The following IL1RAPL2 variants were observed in gnomAD, a reference collection of about 807,000 sequenced individuals.
IL1RAPL2 encodes the protein X-linked interleukin-1 receptor accessory protein-like 2.
Under a neutral mutation model 44.1 loss-of-function variants are expected in IL1RAPL2, and 3 were observed. The ratio of observed to expected loss-of-function variants is 0.07; its 90% confidence interval spans 0.03 to 0.18. IL1RAPL2 has a LOEUF of 0.18. IL1RAPL2 is among the 10% of genes least tolerant of loss of function. The probability of loss-of-function intolerance (pLI) is 1.00; values close to 1 mark genes in which losing one functional copy is unlikely to be tolerated. For synonymous variants in IL1RAPL2, 181 were observed against 178.8 expected, an observed-to-expected ratio of 1.01 and a Z score of -0.10; for missense variants, 391 against 496.4, an observed-to-expected ratio of 0.79 and a Z score of 2.02.
chrX:105,676,161 G>A (rs993266938), intron 6 of IL1RAPL2: 2 of 111,419 alleles, frequency 1.8e-5, no homozygotes, highest in Admixed American at 1.9e-4. Context: ...TATTATATGT[G>A]CTATCAAAGT....
chrX:105,254,512 A>G (rs2034299100), intron 4 of IL1RAPL2, among the ~76,000 whole-genome samples: 1 of 111,744 alleles, frequency 8.9e-6, no homozygotes, highest in Non-Finnish European at 1.9e-5. Context: ...TTGCCTGTTT[A>G]TATTGTTGAA....
intron 5 of IL1RAPL2, among the ~76,000 whole-genome samples, chrX:105,453,735 A>C (rs1312233665): frequency 1.8e-5 from 2 of 112,005 alleles, no homozygotes; most frequent in African/African-American, 6.5e-5. Flanking sequence ...ATTTTCTTTC[A>C]TGCTGCTGTT....
intron 1 of IL1RAPL2, among the ~76,000 whole-genome samples, chrX:104,582,076 T>C (rs1479115882): frequency 1.8e-5 from 2 of 111,909 alleles, no homozygotes; most frequent in East Asian, 5.6e-4. Context: ...TAATGCAAAG[T>C]ATAACACTTT....
chrX:104,855,883 T>C (rs1247580222), intron 2 of IL1RAPL2, among the ~76,000 whole-genome samples: 1 of 108,684 alleles, frequency 9.2e-6, no homozygotes, highest in Non-Finnish European at 1.9e-5. Context: ...TTGCCCATGC[T>C]GATCTCAAAC....
chrX:105,245,616 T>C (rs1342334163), intron 4 of IL1RAPL2, among the ~76,000 whole-genome samples: 1 of 112,651 alleles, frequency 8.9e-6, no homozygotes. Context: ...TTTAAAACGT[T>C]TTACAAATGA....
intron 5 of IL1RAPL2, among the ~76,000 whole-genome samples, chrX:105,392,616 G>A (rs2035534413): frequency 8.9e-6 from 1 of 111,823 alleles, no homozygotes; most frequent in African/African-American, 3.3e-5. Context: ...TAAGGTGCAA[G>A]TGGCATATTT....
intron 5 of IL1RAPL2, among the ~76,000 whole-genome samples, chrX:105,291,198 A>G (rs1473200009): frequency 8.9e-6 from 1 of 112,384 alleles, no homozygotes. Context: ...TAAAACAGAA[A>G]TGAAAATATT....
intron 6 of IL1RAPL2, among the ~76,000 whole-genome samples, chrX:105,563,085 G>A (rs187876560): frequency 3.6e-5 from 4 of 111,793 alleles, no homozygotes; most frequent in Non-Finnish European, 1.9e-5. Context: ...TAGGGTAGTC[G>A]TGGGAGATCT....
At chrX:105,308,778 T>C (rs1421853622) in intron 5 of IL1RAPL2, among the ~76,000 whole-genome samples, 2 of 112,094 alleles carry the variant, frequency 1.8e-5, no homozygotes, top group East Asian at 5.6e-4. Context: ...TATGAAAATA[T>C]ATTTTCCTTT....
intron 2 of IL1RAPL2, among the ~76,000 whole-genome samples, chrX:104,748,981 G>A (rs186231469): frequency 9.1e-6 from 1 of 109,640 alleles, no homozygotes; most frequent in Admixed American, 9.8e-5. Context: ...AGAAGGAGAA[G>A]GCAAATTGAG....
chrX:105,695,930 A>G (rs2147534705), intron 6 of IL1RAPL2, among the ~76,000 whole-genome samples: 1 of 112,060 alleles, frequency 8.9e-6, no homozygotes, highest in South Asian at 3.7e-4. Context: ...GTCTGCATAC[A>G]ATATTCTCTA....
intron 2 of IL1RAPL2, among the ~76,000 whole-genome samples, chrX:105,028,756 G>A (rs1218891527): frequency 9.1e-6 from 1 of 110,150 alleles, no homozygotes; most frequent in Non-Finnish European, 1.9e-5. Context: ...AAATATAAGG[G>A]CATATCAAAG....
intron 5 of IL1RAPL2, among the ~76,000 whole-genome samples, chrX:105,475,445 T>C (rs1320935842): frequency 9.0e-6 from 1 of 111,217 alleles, no homozygotes; most frequent in Non-Finnish European, 1.9e-5. Flanking sequence ...TTAAGCAAGG[T>C]AAAAATTCAC....
chrX:104,735,976 A>G (rs1046802597), intron 2 of IL1RAPL2, among the ~76,000 whole-genome samples: 1 of 110,879 alleles, frequency 9.0e-6, no homozygotes, highest in African/African-American at 3.3e-5. Flanking sequence ...TCTCATACCA[A>G]TGTTTCCCAT....
At chrX:105,725,161 C>A (rs1324008117) in intron 7 of IL1RAPL2, among the ~76,000 whole-genome samples, 1 of 111,615 alleles carries the variant, frequency 9.0e-6, no homozygotes, top group African/African-American at 3.3e-5. Flanking sequence ...AAGACAATTG[C>A]TTTGTCCCAA....
At chrX:105,448,893 T>A (rs2035997040) in intron 5 of IL1RAPL2, among the ~76,000 whole-genome samples, 1 of 111,357 alleles carries the variant, frequency 9.0e-6, no homozygotes, top group South Asian at 3.7e-4. Flanking sequence ...TGCTTCATTT[T>A]AAAAAATTAT....
chrX:104,844,063 CTT>C (rs1239998821), intron 2 of IL1RAPL2, among the ~76,000 whole-genome samples: 5 of 108,639 alleles, frequency 4.6e-5, no homozygotes, highest in Non-Finnish European at 9.5e-5. Context: ...ATGATCTAGT[CTT>C]TACAAAGTTT....
chrX:105,122,650 T>A (rs1229823357), intron 2 of IL1RAPL2, among the ~76,000 whole-genome samples: 1 of 111,861 alleles, frequency 8.9e-6, no homozygotes, highest in Non-Finnish European at 1.9e-5. Context: ...GGTATCTTAT[T>A]TATAAATAAA....
chrX:104,761,637 C>T (rs1176984966), intron 2 of IL1RAPL2, among the ~76,000 whole-genome samples: 3 of 111,798 alleles, frequency 2.7e-5, no homozygotes, highest in Non-Finnish European at 5.6e-5. Context: ...AAGTCCCTTC[C>T]ACCTATGAGC....
Sources: gnomAD v4.1 joint callset for allele counts (sites outside exome capture counted in the v4.1 genomes callset) on GRCh38, gnomAD v4.1.1 for gene constraint, MANE v1.5 for transcripts, NCBI Gene and HGNC (gene_info 2026-07-23, HGNC 2026-07-21) for gene names.